TTC21B: variants seen among roughly 807,000 people sequenced by gnomAD.
TTC21B encodes the protein tetratricopeptide repeat domain 21B.
TTC21B carries 127 observed loss-of-function variants against 175.1 expected under a neutral mutation model. The observed-to-expected ratio is 0.73, with a 90% CI of 0.63 to 0.84. TTC21B has a LOEUF of 0.84. TTC21B is among the 40% of genes least tolerant of loss of function. TTC21B has a pLI of 0.00. For synonymous variants in TTC21B, 524 were observed against 524.5 expected (o/e 1.00, Z 0.01); for missense variants, 1,561 against 1,558.3 (o/e 1.00, Z -0.03).
In TTC21B at chr2:165,899,858, A is replaced by G; in HGVS notation, c.2780T>C (p.Leu927Ser). 1 of 1,613,242 alleles carries G rather than the reference A, an allele frequency of 6.2e-7. No homozygotes were observed. The highest frequency in any genetic ancestry group is 2.2e-5 in the East Asian group (1 of 44,874). The change falls in exon 21 of 29, where the codon TTA becomes TCA. Residue 927 changes from leucine to serine, a missense_variant. Physicochemically the swap from Leu to Ser is moderately radical, Grantham distance 145 (BLOSUM62 -2). Coordinates refer to ENST00000243344, the MANE Select transcript of TTC21B (RefSeq NM_024753.5). Reference sequence around the variant, plus strand: ...ATCAGGGTCATCTTGTGCCAGGTATAATCGTGCCAGTTCCAACATAATCTG... The same window carrying G: ...ATCAGGGTCATCTTGTGCCAGGTATGATCGTGCCAGTTCCAACATAATCTG... ...DNKIMLELAR[L>S]YLAQDDPDSC...
intron 12 of TTC21B, among the ~76,000 whole-genome samples, chr2:165,923,727 C>T (rs191324985): frequency 4.5e-4 from 68 of 149,492 alleles, no homozygotes; most frequent in Non-Finnish European, 9.3e-4. Flanking sequence ...CAGGCATGAG[C>T]CACCACGCCC....
Position 165,933,023 on chromosome 2 carries a change from G to A in TTC21B, c.745C>T (p.Leu249=). The stretch of plus-strand genomic sequence containing the variant: ...ACATAGTAGAGTGCCTGCATTCTCA[G>A]TGCTTCCACATTTTGGCTATCTTGG... ...LLQDSQNVEA[L]RMQALYYVCR... is the part of the protein sequence containing the mutation. Residue 249 remains leucine (L), a synonymous_variant, in exon 7 of 29, where the codon CTG becomes TTG. Transcript: ENST00000243344. 6.2e-7 allele frequency: 1 copy of A among 1,612,886 alleles called. No homozygotes were observed.
At chr2:165,887,734 A>C (rs1264295162) in intron 25 of TTC21B, among the ~76,000 whole-genome samples, 1 of 152,180 alleles carries the variant, frequency 6.6e-6, no homozygotes, top group East Asian at 1.9e-4. Flanking sequence ...AAAAGAGAAG[A>C]AAGCCTCTGA....
Position 165,929,277 on chromosome 2 carries a change from ACTT to A in TTC21B, c.1241_1243del (p.Glu414del). ...CAGGACATCATTTAACAAATTAATAACTTCTTCTTGTCGTTTATTTTTCTTCAT... is the reference window on the plus strand; with the variant it reads ...CAGGACATCATTTAACAAATTAATAACTTCTTGTCGTTTATTTTTCTTCAT... On this transcript the variant is annotated inframe_deletion, in exon 11 of 29. Coordinates refer to ENST00000243344, the MANE Select transcript of TTC21B (RefSeq NM_024753.5). 1.9e-6 allele frequency: 3 copies of A among 1,612,644 alleles called. No homozygotes were observed. The highest frequency in any genetic ancestry group is 2.5e-6 in the Non-Finnish European group (3 of 1,179,138).
rs373008963 is a variant in TTC21B at position 165,890,509 on chromosome 2, T to A, written c.3233A>T (p.Glu1078Val). 3 of 1,613,508 alleles carry A rather than the reference T, an allele frequency of 1.9e-6. No homozygotes were observed. Among genetic ancestry groups the A allele is most frequent in the Non-Finnish European group, 2.5e-6 (3 of 1,179,686 alleles). ...LNPDNETVGG[E>V]VFENLDGDLG... ...GTCTCCATCCAGGTTTTCAAATACT[T>A]CACCTCCAACAGTTTCATTATCTGG... Residue 1078 changes from glutamate (E) to valine (V), a missense_variant, in exon 24 of 29, where the codon GAA (glutamate) becomes GTA (valine). Coordinates refer to ENST00000243344, the MANE Select transcript of TTC21B (RefSeq NM_024753.5).
chr2:165,894,369 G>C (rs1459548548), intron 22 of TTC21B, among the ~76,000 whole-genome samples: 1 of 152,090 alleles, frequency 6.6e-6, no homozygotes, highest in Admixed American at 6.6e-5. Flanking sequence ...AGCTAAAATA[G>C]AGCCTTAATC....
intron 27 of TTC21B, among the ~76,000 whole-genome samples, chr2:165,878,730 G>T (rs1268405258): frequency 6.8e-6 from 1 of 146,730 alleles, no homozygotes; most frequent in African/African-American, 2.5e-5. Flanking sequence ...CAACCAGGCT[G>T]CAGTGCAGTG....
intron 20 of TTC21B, among the ~76,000 whole-genome samples, chr2:165,900,417 T>C (rs561900239): frequency 5.9e-5 from 9 of 152,322 alleles, no homozygotes; most frequent in Non-Finnish European, 1.2e-4. Context: ...TTCTAGAGGA[T>C]AGTTGTCTTT....
At chr2:165,900,899 CTTTTCTTTTTT>C (rs1559047689) in intron 20 of TTC21B, among the ~76,000 whole-genome samples, 1 of 145,634 alleles carries the variant, frequency 6.9e-6, no homozygotes, top group Non-Finnish European at 1.5e-5. Flanking sequence ...GTTCTTTTTT[CTTTTCTTTTTT>C]TTTTTTTTTG....
chr2:165,898,561 G>A, intron 22 of TTC21B, 125 bp downstream of exon 22: 2 of 731,588 alleles, frequency 2.7e-6, no homozygotes, highest in Non-Finnish European at 5.0e-6. Context: ...CCCATGTGTG[G>A]AATAAACAGA....
At chr2:165,898,432 G>C (rs1685444246) in intron 22 of TTC21B, among the ~76,000 whole-genome samples, 2 of 152,146 alleles carry the variant, frequency 1.3e-5, no homozygotes, top group African/African-American at 2.4e-5. Context: ...GGGAAAAGTA[G>C]TTCGAATCAA....
At chr2:165,906,641 T>C (rs1685744285) in intron 19 of TTC21B, among the ~76,000 whole-genome samples, 1 of 152,114 alleles carries the variant, frequency 6.6e-6, no homozygotes, top group Admixed American at 6.5e-5. Context: ...CAATGAATTA[T>C]TCCAAACATC....
At position 165,929,122 on chromosome 2, in the gene TTC21B, C is replaced by T. The variant is rs1686786946; in HGVS notation, c.1386+13G>A. On this transcript the variant is annotated intron_variant, in intron 11 of 28. Transcript: ENST00000243344. Reference sequence around the variant, plus strand: ...TAAACGCATCCTTGAAAGTAAGTCCCATAATTACTTACCTGCATTGGACAG... The same window carrying T: ...TAAACGCATCCTTGAAAGTAAGTCCTATAATTACTTACCTGCATTGGACAG... The T allele has an allele frequency of 1.2e-6, 2 of 1,608,506 alleles. No homozygotes were observed. The highest frequency in any genetic ancestry group is 3.3e-4 in the Middle Eastern group (2 of 6,040).
chr2:165,923,060 T>C (rs770318454), intron 12 of TTC21B, among the ~76,000 whole-genome samples: 5 of 152,116 alleles, frequency 3.3e-5, no homozygotes, highest in Non-Finnish European at 7.4e-5. Flanking sequence ...AACAGAGTGA[T>C]ATAGTGGACT....
At chr2:165,938,090 C>T (rs1358304048) in intron 6 of TTC21B, among the ~76,000 whole-genome samples, 1 of 139,772 alleles carries the variant, frequency 7.2e-6, no homozygotes, top group African/African-American at 2.8e-5. Flanking sequence ...AAAGACTGTG[C>T]AATTATAATG....
At chr2:165,899,911 A>G (rs1406590151) in intron 20 of TTC21B, 31 bp from the exon 21 acceptor site, 1 of 1,371,154 alleles carries the variant, frequency 7.3e-7, no homozygotes, top group South Asian at 1.2e-5. Flanking sequence ...TTCATCAGAC[A>G]CTGTATAGAA....
chr2:165,907,007 AC>A (rs1685763570), intron 19 of TTC21B, among the ~76,000 whole-genome samples: 1 of 151,816 alleles, frequency 6.6e-6, no homozygotes, highest in African/African-American at 2.4e-5. Flanking sequence ...AATTTGTTGA[AC>A]ACAGATGCAG....
chr2:165,883,710 A>G, intron 26 of TTC21B, 84 bp downstream of exon 26: 2 of 1,085,472 alleles, frequency 1.8e-6, no homozygotes, highest in South Asian at 2.6e-5. Flanking sequence ...GAATCCTTGG[A>G]AATGGACTAA....
rs367564721 is a variant in TTC21B at position 165,884,002 on chromosome 2, G to A, written c.3476C>T (p.Ala1159Val). ...IAASEKEHIP[A>V]LLGMATAYMI... ...ATAAGCCGTTGCCATTCCCAAGAGC[G>A]CTGGGATATGCTCCTTCTATAAGAA... Residue 1159 changes from alanine (A) to valine (V), a missense_variant, in exon 26 of 29, where the codon GCG becomes GTG. Physicochemically the swap from Ala to Val is moderately conservative, Grantham distance 64. Coordinates refer to ENST00000243344, the MANE Select transcript of TTC21B (RefSeq NM_024753.5). 72 of 1,613,792 alleles carry A rather than the reference G, an allele frequency of 4.5e-5. No homozygotes were observed. Among genetic ancestry groups the A allele is most frequent in the Non-Finnish European group, 5.2e-5 (61 of 1,179,910 alleles).
Sources: gnomAD v4.1 joint callset for allele counts (sites outside exome capture counted in the v4.1 genomes callset) on GRCh38, gnomAD v4.1.1 for gene constraint, MANE v1.5 for transcripts, NCBI Gene and HGNC (gene_info 2026-07-23, HGNC 2026-07-21) for gene names.